The following CUBN variants were observed in gnomAD, a reference collection of about 807,000 sequenced individuals.
CUBN encodes the protein 460 kDa receptor.
A neutral mutation model predicts 405.3 loss-of-function variants in CUBN; 282 were observed. The observed-to-expected ratio is 0.70, with a 90% CI of 0.63 to 0.77. The LOEUF is 0.77. CUBN is among the 30% of genes least tolerant of loss of function. CUBN has a pLI of 0.00. For missense variants in CUBN, 4,514 were observed against 4,475.2 expected, an observed-to-expected ratio of 1.01 and a Z score of -0.25; for synonymous variants, 1,684 against 1,617.0, an observed-to-expected ratio of 1.04 and a Z score of -0.99.
chr10:16,924,936 G>C lies in CUBN; in HGVS notation c.6646+305C>G, dbSNP rs114111299. ...ACATCTTATAATGGAAAGGTCTAAG[G>C]AATTCCAGGGATCAAGAAGAATAGT... On this transcript the variant is annotated intron_variant, in intron 43 of 66. Transcript: ENST00000377833. Among the ~76,000 whole-genome samples, 19,803 of 152,048 alleles carry C rather than the reference G, an allele frequency of 0.13. 1,258 individuals are homozygous for C. Among genetic ancestry groups the C allele is most frequent in the South Asian group, 0.17 (837 of 4,826 alleles).
chr10:16,928,532 C>CCCTTTT (rs1403918589), intron 40 of CUBN, among the ~76,000 whole-genome samples: 105 of 107,088 alleles, frequency 9.8e-4, no homozygotes, highest in South Asian at 1.4e-3. Flanking sequence ...CCACCCCCCC[C>CCCTTTT]TTTTTTTTTT....
chr10:16,993,691 G>A (rs1833655988), intron 28 of CUBN, among the ~76,000 whole-genome samples: 2 of 149,930 alleles, frequency 1.3e-5, no homozygotes, highest in Admixed American at 6.6e-5. Context: ...TAGTAGAGAT[G>A]GGGTTTCATC....
At chr10:17,060,549 T>G (rs771043313) in intron 22 of CUBN, among the ~76,000 whole-genome samples, 1 of 152,186 alleles carries the variant, frequency 6.6e-6, no homozygotes. Flanking sequence ...ACAAACAAGA[T>G]AAACGAACTG....
chr10:16,956,029 G>C (rs1382738602), intron 31 of CUBN, among the ~76,000 whole-genome samples: 1 of 152,100 alleles, frequency 6.6e-6, no homozygotes, highest in Admixed American at 6.5e-5. Context: ...GAAAAAAATA[G>C]AAAGTTCGGA....
chr10:17,095,696 A>G (rs1836358698), intron 14 of CUBN, among the ~76,000 whole-genome samples: 8 of 152,098 alleles, frequency 5.3e-5, no homozygotes, highest in Admixed American at 5.2e-4. Context: ...TCCTCAAAAA[A>G]TTAAACACAG....
intron 58 of CUBN, among the ~76,000 whole-genome samples, chr10:16,871,150 C>G (rs933229512): frequency 6.6e-6 from 1 of 151,690 alleles, no homozygotes; most frequent in Non-Finnish European, 1.5e-5. Context: ...GCCTCACCCT[C>G]CCGAGTAGCT....
At chr10:16,939,288 C>T in intron 37 of CUBN, 141 bp from the exon 38 acceptor site, 1 of 735,986 alleles carries the variant, frequency 1.4e-6, no homozygotes, top group South Asian at 1.6e-5. Context: ...GAAAGAAATA[C>T]TGCCTCCTTT....
chr10:16,903,895 T>C (rs1841479045), intron 51 of CUBN, 71 bp downstream of exon 51: 1 of 1,095,834 alleles, frequency 9.1e-7, no homozygotes, highest in Non-Finnish European at 1.3e-6. Context: ...AAAATATATA[T>C]GAAATCTTTA....
At chr10:17,104,353 G>C (rs1434322113) in intron 12 of CUBN, 66 bp downstream of exon 12, 2 of 1,447,876 alleles carry the variant, frequency 1.4e-6, no homozygotes, top group African/African-American at 1.4e-5. Context: ...AATCTGTTGA[G>C]GGACTCACTA....
At chr10:16,955,360 G>A (rs1417921709) in intron 31 of CUBN, among the ~76,000 whole-genome samples, 1 of 120,996 alleles carries the variant, frequency 8.3e-6, no homozygotes, top group Non-Finnish European at 1.6e-5. Flanking sequence ...GCAACAGAGA[G>A]CGAGATTCTG....
chr10:17,041,913 C>G (rs1237579491), intron 26 of CUBN, among the ~76,000 whole-genome samples: 1 of 152,058 alleles, frequency 6.6e-6, no homozygotes, highest in East Asian at 1.9e-4. Context: ...TTCAACAAAA[C>G]CAAACCAGAT....
chr10:16,900,582 C>T (rs754268522), intron 53 of CUBN, 43 bp downstream of exon 53: 7 of 1,420,024 alleles, frequency 4.9e-6, no homozygotes, highest in Admixed American at 1.7e-5. Flanking sequence ...TCATACTATA[C>T]ATCACTAAAA....
At chr10:16,902,589 T>C (rs995085526) in intron 51 of CUBN, among the ~76,000 whole-genome samples, 2 of 152,022 alleles carry the variant, frequency 1.3e-5, no homozygotes, top group Non-Finnish European at 2.9e-5. Context: ...GGCAAGATGG[T>C]TGAGTGAGTA....
In CUBN at chr10:17,006,349, G is replaced by T. The variant is rs551160566; in HGVS notation, c.4168+13484C>A. Reference sequence around the variant, plus strand: ...TGTTCATTATAGGCTGGGTCCAGCAGATCTTCTCCTAGAGCCCAGCTTACT... The same window carrying T: ...TGTTCATTATAGGCTGGGTCCAGCATATCTTCTCCTAGAGCCCAGCTTACT... On this transcript the variant is annotated intron_variant, in intron 28 of 66. Transcript: ENST00000377833. 5.9e-5 allele frequency among the ~76,000 whole-genome samples: 9 copies of T among 152,296 alleles called. No individual in the cohort carries two copies. In the South Asian group the frequency reaches 1.9e-3, roughly 32 times the overall value.
At chr10:16,896,539 T>A (rs12761760) in intron 54 of CUBN, among the ~76,000 whole-genome samples, 1 of 152,352 alleles carries the variant, frequency 6.6e-6, no homozygotes, top group East Asian at 1.9e-4. Flanking sequence ...TTATTCTAAC[T>A]GGTCTTCCTC....
rs761775421 is a variant in CUBN at position 16,925,586 on chromosome 10, C to T, written c.6460G>A (p.Val2154Met). The part of the protein sequence containing the change: ...DSSCNQGDYL[V>M]LRNGPDICSP... ...GAAAGGGTAGCAGCAAGACCTACCA[C>T]CAAGTAATCCCCCTGGTTGCAAGAA... The change falls in exon 42 of 67, where the codon GTG becomes ATG. Residue 2154 changes from valine to methionine, a missense_variant and splice_region_variant. By Grantham distance (21) the Val-to-Met change is conservative. Around this residue, in one of 5 missense-constraint regions of CUBN, gnomAD observed 1,613 missense variants for 1,542.8 expected, o/e 1.05. Transcript: ENST00000377833. 7 of 1,613,740 alleles carry T rather than the reference C, an allele frequency of 4.3e-6. No individual in the cohort carries two copies. The highest frequency in any genetic ancestry group is 2.7e-5 in the African/African-American group (2 of 74,888).
chr10:16,942,497 C>T (rs374538842), intron 36 of CUBN, among the ~76,000 whole-genome samples: 2 of 152,150 alleles, frequency 1.3e-5, no homozygotes, highest in East Asian at 3.9e-4. Context: ...CATTATTAGT[C>T]ATTAGAGAAA....
chr10:16,995,179 T>C (rs1833697675), intron 28 of CUBN, among the ~76,000 whole-genome samples: 1 of 152,238 alleles, frequency 6.6e-6, no homozygotes, highest in Admixed American at 6.5e-5. Flanking sequence ...CAGTGGCTCT[T>C]TGTCACTTTG....
rs76018286 is a variant in CUBN at position 17,046,800 on chromosome 10, T to A, written c.3329+614A>T. Among the ~76,000 whole-genome samples, 1,275 of 152,278 alleles carry A rather than the reference T, an allele frequency of 8.4e-3. 66 individuals are homozygous for A. In the East Asian group the frequency reaches 0.12, roughly 14 times the overall value. ...TTAAAATCCCAAATAAAACATTTGA[T>A]ATAGATGCCCACCAGAATGATTAGC... On this transcript the variant is annotated intron_variant, in intron 23 of 66. Transcript: ENST00000377833.
Sources: allele counts gnomAD v4.1 joint callset (sites outside exome capture counted in the v4.1 genomes callset), GRCh38; gene constraint gnomAD v4.1.1; regional missense constraint gnomAD v4.1.1; transcripts MANE v1.5; gene names NCBI Gene and HGNC (gene_info 2026-07-23, HGNC 2026-07-21).